The following INHBC variants were observed in gnomAD, a reference collection of about 807,000 sequenced individuals.
INHBC encodes the protein inhibin beta C chain.
INHBC carries 10 observed loss-of-function variants against 12.4 expected under a neutral mutation model. That is an observed-to-expected ratio of 0.81 (90% CI 0.50 to 1.37). The LOEUF is 1.37. Ranked by LOEUF, INHBC falls within the 40% of genes most tolerant of loss-of-function variation. The pLI is 0.00. For synonymous variants in INHBC, 147 were observed against 171.6 expected, an observed-to-expected ratio of 0.86 and a Z score of 1.12; for missense variants, 382 against 439.4, an observed-to-expected ratio of 0.87 and a Z score of 1.17.
intron 1 of INHBC, among the ~76,000 whole-genome samples, chr12:57,448,308 C>T (rs867809460): frequency 2.0e-5 from 3 of 152,192 alleles, no homozygotes; most frequent in Non-Finnish European, 2.9e-5. Context: ...TGGTGGCTCA[C>T]GCCTGTAATC....
At chr12:57,439,607 C>T (rs143806278) in intron 1 of INHBC, among the ~76,000 whole-genome samples, 1 of 152,162 alleles carries the variant, frequency 6.6e-6, no homozygotes, top group Admixed American at 6.5e-5. Context: ...TATTAAACTT[C>T]TCTTTAAAAC....
chr12:57,449,141 T>G, intron 1 of INHBC, 136 bp from the exon 2 acceptor site: 2 of 1,161,700 alleles, frequency 1.7e-6, no homozygotes, highest in Non-Finnish European at 1.2e-6. Flanking sequence ...TTCCAGCACA[T>G]GAACTTTGGA....
intron 1 of INHBC, among the ~76,000 whole-genome samples, 197 bp downstream of exon 1, chr12:57,435,396 A>G (rs1456108417): frequency 6.6e-6 from 1 of 152,178 alleles, no homozygotes; most frequent in East Asian, 1.9e-4. Context: ...AGACCTGACC[A>G]ATAGGCAGCT....
intron 1 of INHBC, among the ~76,000 whole-genome samples, chr12:57,447,267 C>T (rs1425140489): frequency 6.6e-6 from 1 of 151,990 alleles, no homozygotes; most frequent in African/African-American, 2.4e-5. Flanking sequence ...TCATTGCAAC[C>T]TCTGCCTCCC....
intron 1 of INHBC, among the ~76,000 whole-genome samples, chr12:57,447,977 T>C (rs1870627274): frequency 1.4e-5 from 2 of 140,086 alleles, no homozygotes; most frequent in South Asian, 2.3e-4. Context: ...CATATATACA[T>C]ATATATACAC....
intron 1 of INHBC, among the ~76,000 whole-genome samples, chr12:57,437,211 C>G (rs1158739298): frequency 1.3e-5 from 2 of 152,056 alleles, no homozygotes; most frequent in Non-Finnish European, 2.9e-5. Context: ...TGCACCACTG[C>G]CCTCCAGCCT....
At position 57,451,845 on chromosome 12, in the gene INHBC, C is replaced by G; in HGVS notation, c.*1823C>G. On this transcript the variant is annotated 3_prime_UTR_variant, in exon 2 of 2. Coordinates refer to ENST00000309668, the MANE Select transcript of INHBC (RefSeq NM_005538.4). Reference sequence around the variant, plus strand: ...CCCCACACATCCCCGACCCCCAGATCTAACCTCCTTCCCAATTACAGCTTA... The same window carrying G: ...CCCCACACATCCCCGACCCCCAGATGTAACCTCCTTCCCAATTACAGCTTA... 2.2e-6 allele frequency: 1 copy of G among 455,856 alleles called. No homozygotes were observed. The highest frequency in any genetic ancestry group is 4.4e-6 in the Non-Finnish European group (1 of 226,746). 28.2% of individuals were successfully genotyped at this position (455,856 alleles called of 1,614,324 possible).
chr12:57,436,860 G>A (rs1243513840), intron 1 of INHBC, among the ~76,000 whole-genome samples: 1 of 151,514 alleles, frequency 6.6e-6, no homozygotes, highest in Non-Finnish European at 1.5e-5. Context: ...GCAGAGACAG[G>A]GTTTCACCGT....
intron 1 of INHBC, among the ~76,000 whole-genome samples, chr12:57,439,246 TG>T (rs1185815704): frequency 1.3e-5 from 2 of 152,152 alleles, no homozygotes; most frequent in African/African-American, 2.4e-5. Flanking sequence ...CTGTTCAAAA[TG>T]GGGTATGGGA....
intron 1 of INHBC, among the ~76,000 whole-genome samples, chr12:57,437,554 C>G (rs999377592): frequency 4.6e-5 from 7 of 151,032 alleles, no homozygotes; most frequent in African/African-American, 1.7e-4. Context: ...GCCTGTAGTC[C>G]CAGCTACTCT....
chr12:57,447,597 T>C (rs556801879), intron 1 of INHBC, among the ~76,000 whole-genome samples: 1 of 149,878 alleles, frequency 6.7e-6, no homozygotes, highest in Non-Finnish European at 1.5e-5. Context: ...TTAAAAAAAA[T>C]ATATAGGCCA....
Position 57,441,733 on chromosome 12 carries a change from G to A in INHBC, c.313+6534G>A, listed in dbSNP as rs181538969. On this transcript the variant is annotated intron_variant, in intron 1 of 1. Transcript: ENST00000309668. ...GTCTCACTCTGTTGCCCAGGCTGGA[G>A]TGCAGTGGCACAGTCTTGGGTCACT... Among the ~76,000 whole-genome samples, 62 of 149,960 alleles carry A rather than the reference G, an allele frequency of 4.1e-4. No individual in the cohort carries two copies. The East Asian group carries it at 0.011, about 26-fold the overall frequency.
Position 57,435,108 on chromosome 12 carries a change from T to C in INHBC, c.222T>C (p.Thr74=). ...CTGTGTCCAGAGCTGCTTTGAGGACTGCACTGCAGCACCTCCACGGGGTCC... is the reference window on the plus strand; with the variant it reads ...CTGTGTCCAGAGCTGCTTTGAGGACCGCACTGCAGCACCTCCACGGGGTCC... ...NRPVSRAALR[T]ALQHLHGVPQ... The change falls in exon 1 of 2, where the codon ACT becomes ACC. Residue 74 remains threonine (T), a synonymous_variant. Coordinates refer to ENST00000309668, the MANE Select transcript of INHBC (RefSeq NM_005538.4). 6.2e-7 allele frequency: 1 copy of C among 1,614,168 alleles called. No homozygotes were observed. The highest frequency in any genetic ancestry group is 1.6e-4 in the Middle Eastern group (1 of 6,062).
rs755461277 is a variant in INHBC, at chr12:57,449,509, A to G, written c.546A>G (p.Leu182=). 16 of 1,614,014 alleles carry G rather than the reference A, an allele frequency of 9.9e-6. No individual in the cohort carries two copies. Among genetic ancestry groups the G allele is most frequent in the South Asian group, 3.3e-5 (3 of 91,080 alleles). The change falls in exon 2 of 2, where the codon CTA becomes CTG. Residue 182 remains leucine (L), a synonymous_variant. Transcript: ENST00000309668. The part of the protein sequence containing the change: ...VDASGWHQLP[L]GPEAQAACSQ... ...CCAGTGGCTGGCATCAACTCCCCCT[A>G]GGGCCTGAAGCTCAAGCTGCCTGCA... is the stretch of plus-strand genomic sequence containing the variant.
rs892837292 is a variant in INHBC, at chr12:57,451,359, C to A, written c.*1337C>A. On this transcript the variant is annotated 3_prime_UTR_variant, in exon 2 of 2. Coordinates refer to ENST00000309668, the MANE Select transcript of INHBC (RefSeq NM_005538.4). ...TGACTTGCCTTCCTTTCACCCACCCCCAGTGCTCCACCCAGGAGTCCTGCC... is the reference window on the plus strand; with the variant it reads ...TGACTTGCCTTCCTTTCACCCACCCACAGTGCTCCACCCAGGAGTCCTGCC... Among the ~76,000 whole-genome samples the A allele has an allele frequency of 1.3e-5, 2 of 152,204 alleles. No homozygotes were observed. The highest frequency in any genetic ancestry group is 2.9e-5 in the Non-Finnish European group (2 of 68,042).
chr12:57,445,671 T>TTAAG (rs1244933615), intron 1 of INHBC, among the ~76,000 whole-genome samples: 1 of 150,996 alleles, frequency 6.6e-6, no homozygotes, highest in East Asian at 2.0e-4. Context: ...AGAGGATCAC[T>TTAAG]TAAGGCCAGG....
chr12:57,449,089 A>G (rs1870648338), intron 1 of INHBC, among the ~76,000 whole-genome samples, 188 bp from the exon 2 acceptor site: 1 of 152,168 alleles, frequency 6.6e-6, no homozygotes, highest in South Asian at 2.1e-4. Context: ...AACACCTCCC[A>G]TTAGGCCCCA....
intron 1 of INHBC, among the ~76,000 whole-genome samples, chr12:57,440,332 CTT>C (rs34888207): frequency 0.054 from 6,349 of 117,244 alleles, 341 homozygotes; most frequent in African/African-American, 0.17. Context: ...TGAACAGTGC[CTT>C]TTTTTTTTTT....
intron 1 of INHBC, among the ~76,000 whole-genome samples, chr12:57,445,265 T>C (rs1435457884): frequency 6.6e-6 from 1 of 152,214 alleles, no homozygotes; most frequent in African/African-American, 2.4e-5. Context: ...CTTTGAAGTG[T>C]TTTAAGCTGA....
Sources: allele counts gnomAD v4.1 joint callset (sites outside exome capture counted in the v4.1 genomes callset), GRCh38; gene constraint gnomAD v4.1.1; transcripts MANE v1.5; gene names NCBI Gene and HGNC (gene_info 2026-07-23, HGNC 2026-07-21).